CRADD: variants seen among roughly 807,000 people sequenced by gnomAD.
CRADD encodes death domain-containing protein CRADD.
A neutral mutation model predicts 15.5 loss-of-function variants in CRADD; 9 were observed. That is an observed-to-expected ratio of 0.58 (90% CI 0.35 to 1.01). The LOEUF (loss-of-function observed/expected upper bound fraction) is 1.01. Ranked by LOEUF, CRADD falls within the 50% of genes least tolerant of loss-of-function variation. The probability of loss-of-function intolerance (pLI) is 0.02; values close to 1 mark genes in which losing one functional copy is unlikely to be tolerated. For missense variants in CRADD, 227 were observed against 250.3 expected, an observed-to-expected ratio of 0.91 and a Z score of 0.63; for synonymous variants, 118 against 107.6, an observed-to-expected ratio of 1.10 and a Z score of -0.60.
At chr12:93,820,860 T>C (rs541986757) in intron 2 of CRADD, among the ~76,000 whole-genome samples, 20 of 152,322 alleles carry the variant, frequency 1.3e-4, no homozygotes, top group African/African-American at 4.6e-4. Context: ...CTCTGTCCTG[T>C]CACCTGCAGT....
At chr12:93,788,134 A>G (rs997531430) in intron 2 of CRADD, among the ~76,000 whole-genome samples, 9 of 152,306 alleles carry the variant, frequency 5.9e-5, no homozygotes, top group Non-Finnish European at 1.0e-4. Flanking sequence ...CTATGAAGAA[A>G]TACCCAACAC....
intron 2 of CRADD, among the ~76,000 whole-genome samples, chr12:93,704,793 T>C (rs950139630): frequency 1.1e-4 from 16 of 152,140 alleles, no homozygotes; most frequent in Admixed American, 2.6e-4. Context: ...CCCTGCCTTC[T>C]CCCTGTAGCC....
At chr12:93,817,260 T>C (rs1335855192) in intron 2 of CRADD, among the ~76,000 whole-genome samples, 1 of 152,164 alleles carries the variant, frequency 6.6e-6, no homozygotes, top group African/African-American at 2.4e-5. Flanking sequence ...CAAGTGGCTC[T>C]GAGGTTTTTG....
chr12:93,872,447 G>A (rs114727894), intron 2 of CRADD, among the ~76,000 whole-genome samples: 1,636 of 152,202 alleles, frequency 0.011, 25 homozygotes, highest in African/African-American at 0.037. Context: ...GGTTGCCTTT[G>A]CTTGTGGGGT....
At chr12:93,809,658 C>G (rs1462756961) in intron 2 of CRADD, among the ~76,000 whole-genome samples, 1 of 152,214 alleles carries the variant, frequency 6.6e-6, no homozygotes, top group South Asian at 2.1e-4. Context: ...TGGCCTTACC[C>G]TCTTTACTGC....
chr12:93,815,667 G>A (rs1957689213), intron 2 of CRADD, among the ~76,000 whole-genome samples: 1 of 152,184 alleles, frequency 6.6e-6, no homozygotes, highest in Admixed American at 6.5e-5. Flanking sequence ...TAATCCTAAA[G>A]TCTCTTAGCT....
intron 2 of CRADD, among the ~76,000 whole-genome samples, chr12:93,831,620 T>C (rs1957903415): frequency 6.6e-6 from 1 of 152,242 alleles, no homozygotes; most frequent in Non-Finnish European, 1.5e-5. Context: ...ACGATACTTC[T>C]TGGGATCTGC....
At chr12:93,854,713 A>G (rs138167741), downstream of CRADD, among the ~76,000 whole-genome samples, 1 of 152,084 alleles carries the variant, frequency 6.6e-6, no homozygotes, top group East Asian at 1.9e-4. Context: ...CACAGAATGC[A>G]CATCCTTTGC....
At chr12:93,726,102 T>C in intron 2 of CRADD, among the ~76,000 whole-genome samples, 1 of 136,396 alleles carries the variant, frequency 7.3e-6, no homozygotes, top group Admixed American at 7.0e-5. Context: ...TAGTTTTTTT[T>C]TTTTTTTTTT....
At chr12:93,842,053 G>A (rs945781515) in intron 2 of CRADD, among the ~76,000 whole-genome samples, 3 of 152,176 alleles carry the variant, frequency 2.0e-5, no homozygotes, top group Non-Finnish European at 4.4e-5. Context: ...AACTGAAGTT[G>A]AGAAAGGAAT....
intron 2 of CRADD, among the ~76,000 whole-genome samples, chr12:93,692,319 T>A (rs1353540462): frequency 6.6e-6 from 1 of 152,232 alleles, no homozygotes; most frequent in Admixed American, 6.5e-5. Context: ...TAAAGAAATA[T>A]TAGCAGAAAA....
chr12:93,695,469 G>T (rs1309291513), intron 2 of CRADD, among the ~76,000 whole-genome samples: 1 of 152,106 alleles, frequency 6.6e-6, no homozygotes, highest in Non-Finnish European at 1.5e-5. Flanking sequence ...ATAAACAAAA[G>T]CTTCTGCACA....
At chr12:93,710,545 ATGT>A (rs1239642355) in intron 2 of CRADD, among the ~76,000 whole-genome samples, 1 of 152,032 alleles carries the variant, frequency 6.6e-6, no homozygotes, top group Non-Finnish European at 1.5e-5. Context: ...GGGTTTCACC[ATGT>A]TGGCCAGGCT....
chr12:93,803,522 C>T (rs1384068394), intron 2 of CRADD, among the ~76,000 whole-genome samples: 1 of 152,168 alleles, frequency 6.6e-6, no homozygotes, highest in African/African-American at 2.4e-5. Context: ...TCCACGTCCA[C>T]CATTTGGCAT....
intron 2 of CRADD, among the ~76,000 whole-genome samples, chr12:93,725,994 ATTC>A (rs1269540961): frequency 3.3e-5 from 5 of 150,884 alleles, no homozygotes; most frequent in Admixed American, 2.0e-4. Context: ...AAGACCTATT[ATTC>A]TTCTACTGAA....
At chr12:93,707,304 A>G (rs1489193562) in intron 2 of CRADD, among the ~76,000 whole-genome samples, 1 of 152,250 alleles carries the variant, frequency 6.6e-6, no homozygotes, top group African/African-American at 2.4e-5. Context: ...TTGGTGCCTT[A>G]AAATAACCAT....
intron 2 of CRADD, among the ~76,000 whole-genome samples, chr12:93,890,701 C>CCCA (rs1304886471): frequency 2.0e-5 from 3 of 152,100 alleles, no homozygotes; most frequent in Non-Finnish European, 2.9e-5. Flanking sequence ...TTCCAGTTGT[C>CCCA]CCACCTTACT....
rs919647919 is a variant in CRADD at position 93,824,494 on chromosome 12, T to A, written c.299-25476T>A. On this transcript the variant is annotated intron_variant, in intron 2 of 2. Coordinates refer to ENST00000332896, the MANE Select transcript of CRADD (RefSeq NM_003805.5). This position sits in a 1 kb window ranked among gnomAD's most constrained non-coding sequence, Gnocchi z 4.3. ...ACATGGGGTTTTTGTGTTGTTTTGCTTATTTCTTTCCTTTTAAAAGAAGTA... is the reference window on the plus strand; with the variant it reads ...ACATGGGGTTTTTGTGTTGTTTTGCATATTTCTTTCCTTTTAAAAGAAGTA... Among the ~76,000 whole-genome samples the A allele has an allele frequency of 1.3e-5, 2 of 151,960 alleles. No individual in the cohort carries two copies.
At chr12:93,894,216 T>G (rs990920490) in exon 3 of CRADD, 2 of 685,374 alleles carry the variant, frequency 2.9e-6, no homozygotes, top group Non-Finnish European at 5.3e-6. Context: ...CCAGGGGACA[T>G]TTGACAATGT....
Sources: gnomAD v4.1 joint callset for allele counts (sites outside exome capture counted in the v4.1 genomes callset) on GRCh38, gnomAD v4.1.1 for gene constraint, Gnocchi (gnomAD v3.1) non-coding constraint, MANE v1.5 for transcripts, NCBI Gene and HGNC (gene_info 2026-07-23, HGNC 2026-07-21) for gene names.